TMEM80: variants seen among roughly 807,000 people sequenced by gnomAD.
The protein encoded by TMEM80 is transmembrane protein 80.
In TMEM80, 16 loss-of-function variants were observed where a neutral mutation model predicts 13.6. The observed-to-expected ratio is 1.17, with a 90% confidence interval of 0.79 to 1.78. The LOEUF is 1.78. Ranked by LOEUF, TMEM80 falls within the 40% of genes most tolerant of loss-of-function variation. The pLI is 0.00. For synonymous variants in TMEM80, 92 were observed against 89.5 expected, an observed-to-expected ratio of 1.03 and a Z score of -0.16; for missense variants, 167 against 184.6, an observed-to-expected ratio of 0.90 and a Z score of 0.55.
intron 4 of TMEM80, among the ~76,000 whole-genome samples, chr11:701,756 G>C (rs1485575721): frequency 6.6e-6 from 1 of 152,166 alleles, no homozygotes; most frequent in African/African-American, 2.4e-5. Flanking sequence ...GAACTCTTGG[G>C]CTCAAGCAAT....
At position 703,569 on chromosome 11, in the gene TMEM80, T is replaced by C; in HGVS notation, c.*419T>C. 8.1e-7 allele frequency: 1 copy of C among 1,233,336 alleles called. No homozygotes were observed. Among genetic ancestry groups the C allele is most frequent in the Non-Finnish European group, 1.0e-6 (1 of 989,036 alleles). 76.4% of individuals were successfully genotyped at this position (1,233,336 alleles called of 1,614,324 possible). A position where few individuals can be genotyped will look rare whatever the true frequency, so the allele number is the denominator to read the frequency against. On this transcript the variant is annotated 3_prime_UTR_variant, in exon 5 of 5. Coordinates refer to ENST00000397510, the MANE Select transcript of TMEM80 (RefSeq NM_001042463.3). The stretch of plus-strand genomic sequence containing the variant: ...CCCCTAGTTCCCCAATGGTCCTAAT[T>C]TGTGTTCTGAGATCCCAGTTTACTC...
At chr11:698,831 G>T (rs1861315365) in intron 1 of TMEM80, 38 bp from the exon 2 acceptor site, 1 of 1,613,782 alleles carries the variant, frequency 6.2e-7, no homozygotes, top group African/African-American at 1.3e-5. Flanking sequence ...GCATCCTGGT[G>T]GCTGTCAGGC....
chr11:696,773 A>C (rs933559330), intron 1 of TMEM80, among the ~76,000 whole-genome samples: 5 of 612 alleles, frequency 8.2e-3, no homozygotes, highest in Non-Finnish European at 0.083. Flanking sequence ...TCTACAAAAA[A>C]AAAATTAAAA....
intron 2 of TMEM80, 181 bp downstream of exon 2, chr11:699,069 G>T: frequency 4.2e-6 from 3 of 721,336 alleles, no homozygotes; most frequent in Non-Finnish European, 7.1e-6. Context: ...AGTTCTGCTG[G>T]CTCCATCCCC....
At chr11:699,158 C>T (rs544273266) in intron 2 of TMEM80, 4 of 486,214 alleles carry the variant, frequency 8.2e-6, no homozygotes, top group East Asian at 3.1e-5. Flanking sequence ...GCCTCTGTCT[C>T]GGCCGCTAGT....
intron 3 of TMEM80, 82 bp from the exon 4 acceptor site, chr11:700,533 A>AC: frequency 8.4e-7 from 1 of 1,193,352 alleles, no homozygotes; most frequent in Non-Finnish European, 1.2e-6. Flanking sequence ...TCTCAAAAAA[A>AC]AAAAAAAGGA....
chr11:701,704 C>T (rs12363410), intron 4 of TMEM80, among the ~76,000 whole-genome samples: 83,314 of 151,670 alleles, frequency 0.55, 22,844 homozygotes, highest in East Asian at 0.72. Flanking sequence ...CCACCGCGCC[C>T]GGCCGGAGAC....
At chr11:696,674 G>C (rs527960378) in intron 1 of TMEM80, among the ~76,000 whole-genome samples, 7 of 147,058 alleles carry the variant, frequency 4.8e-5, no homozygotes, top group African/African-American at 1.8e-4. Context: ...GCTGAGGCTG[G>C]CGGATCACTT....
intron 1 of TMEM80, among the ~76,000 whole-genome samples, chr11:697,087 CG>C (rs1397194178): frequency 7.7e-6 from 1 of 129,550 alleles, no homozygotes; most frequent in Non-Finnish European, 1.6e-5. Context: ...GCAACAAGAG[CG>C]AAATTCTGTC....
chr11:700,499 C>T, intron 3 of TMEM80, 116 bp from the exon 4 acceptor site: 1 of 892,082 alleles, frequency 1.1e-6, no homozygotes, highest in Non-Finnish European at 1.8e-6. Context: ...TGAACTCCAT[C>T]CTGGGTGACA....
chr11:702,817 T>A, intron 4 of TMEM80, 128 bp from the exon 5 acceptor site: 1 of 896,948 alleles, frequency 1.1e-6, no homozygotes, highest in Non-Finnish European at 1.7e-6. Flanking sequence ...TCCCTGGAAT[T>A]CCCCAGGCCC....
At position 700,313 on chromosome 11, in the gene TMEM80, G is replaced by T. The variant is rs554958393; in HGVS notation, c.133+78G>T. 1.1e-5 allele frequency: 15 copies of T among 1,340,630 alleles called. No individual in the cohort carries two copies. In the East Asian group the frequency reaches 3.0e-4, roughly 27 times the overall value. 83.0% of individuals were successfully genotyped at this position (1,340,630 alleles called of 1,614,324 possible). ...AGGCTGAGGTGGGCGGATCACTTGA[G>T]GTCAGGAGTTTGAGACCAGCCAGGC... is the stretch of plus-strand genomic sequence containing the variant. On this transcript the variant is annotated intron_variant, in intron 3 of 4. Coordinates refer to ENST00000397510, the MANE Select transcript of TMEM80 (RefSeq NM_001042463.3).
At position 698,732 on chromosome 11, in the gene TMEM80, G is replaced by A. The variant is rs1266341183; in HGVS notation, c.20-137G>A. 30 of 998,836 alleles carry A rather than the reference G, an allele frequency of 3.0e-5. 1 individual carries two copies. Among genetic ancestry groups the A allele is most frequent in the South Asian group, 1.6e-4 (12 of 76,160 alleles). 61.9% of individuals were successfully genotyped at this position (998,836 alleles called of 1,614,324 possible). A position where few individuals can be genotyped will look rare whatever the true frequency, so the allele number is the denominator to read the frequency against. ...GGGAGCTATCTAGTGGCAGGCCCACGGTATATGTTTGCTGCTTTCTACAAA... is the reference window on the plus strand; with the variant it reads ...GGGAGCTATCTAGTGGCAGGCCCACAGTATATGTTTGCTGCTTTCTACAAA... On this transcript the variant is annotated intron_variant, in intron 1 of 4. Coordinates refer to ENST00000397510, the MANE Select transcript of TMEM80 (RefSeq NM_001042463.3).
At chr11:702,869 C>G in intron 4 of TMEM80, 76 bp from the exon 5 acceptor site, 1 of 1,422,920 alleles carries the variant, frequency 7.0e-7, no homozygotes. Context: ...TCCCAGCAGC[C>G]CTCCAGGCAC....
chr11:695,848 T>C lies in TMEM80; in HGVS notation c.19+2T>C. The C allele has an allele frequency of 8.1e-7, 1 of 1,228,436 alleles. No individual in the cohort carries two copies. Among genetic ancestry groups the C allele is most frequent in the Non-Finnish European group, 1.0e-6 (1 of 985,476 alleles). 76.1% of individuals were successfully genotyped at this position (1,228,436 alleles called of 1,614,324 possible). ...GTAAGATGGCGGCCCCGCGGCGAGG[T>C]GAGCTCGGGCGGGGTGGGGGCTTCC... On this transcript the variant is annotated splice_donor_variant, in intron 1 of 4. Transcript: ENST00000397510. LOFTEE classifies it high-confidence loss of function.
intron 4 of TMEM80, among the ~76,000 whole-genome samples, chr11:701,503 C>T (rs11246271): frequency 0.86 from 127,548 of 148,668 alleles, 54,900 homozygotes; most frequent in Non-Finnish European, 0.9. Flanking sequence ...CTCCGCCTCC[C>T]GGGTTCACGC....
Position 700,173 on chromosome 11 carries a change from A to C in TMEM80, c.71A>C (p.Tyr24Ser), listed in dbSNP as rs752884378. 18 of 1,614,044 alleles carry C rather than the reference A, an allele frequency of 1.1e-5. No individual in the cohort carries two copies. Among genetic ancestry groups the C allele is most frequent in the Admixed American group, 1.0e-4 (6 of 60,002 alleles). ...LSSVPLQMLF[Y>S]LSGTYYALYF... is the part of the protein sequence containing the mutation. ...TCAGTTCCCCTTCAAATGCTGTTTTATCTCAGCGGAACGTACTACGCCCTG... is the reference window on the plus strand; with the variant it reads ...TCAGTTCCCCTTCAAATGCTGTTTTCTCTCAGCGGAACGTACTACGCCCTG... The change falls in exon 3 of 5, where the codon TAT (tyrosine) becomes TCT (serine). Residue 24 changes from tyrosine to serine, a missense_variant. By Grantham distance (144) the Tyr-to-Ser change is moderately radical. Coordinates refer to ENST00000397510, the MANE Select transcript of TMEM80 (RefSeq NM_001042463.3).
At chr11:704,519 C>T, downstream of TMEM80, 1 of 1,289,468 alleles carries the variant, frequency 7.8e-7, no homozygotes, top group Non-Finnish European at 1.0e-6. Flanking sequence ...CCACCTCCCT[C>T]ACCAGCGCCT....
At chr11:701,496 C>T (rs1345664734) in intron 4 of TMEM80, among the ~76,000 whole-genome samples, 7 of 148,900 alleles carry the variant, frequency 4.7e-5, no homozygotes, top group East Asian at 2.0e-4. Context: ...CTGCAAGCTC[C>T]GCCTCCCGGG....
Sources: allele counts gnomAD v4.1 joint callset (sites outside exome capture counted in the v4.1 genomes callset), GRCh38; gene constraint gnomAD v4.1.1; transcripts MANE v1.5; gene names NCBI Gene and HGNC (gene_info 2026-07-23, HGNC 2026-07-21).